SYNE2: variants seen among roughly 807,000 people sequenced by gnomAD.
SYNE2 encodes the protein spectrin repeat containing nuclear envelope protein 2.
In SYNE2, 431 loss-of-function variants were observed where a neutral mutation model predicts 856.3. The observed-to-expected ratio is 0.50, with a 90% CI of 0.47 to 0.55. The LOEUF is 0.55. Ranked by LOEUF, SYNE2 falls within the 20% of genes least tolerant of loss-of-function variation. The pLI, the probability that SYNE2 is intolerant of heterozygous loss-of-function variation, is 0.00. For missense variants in SYNE2, 8,129 were observed against 8,023.2 expected (o/e 1.01, Z -0.50); for synonymous variants, 2,923 against 2,872.3 (o/e 1.02, Z -0.56).
intron 1 of SYNE2, among the ~76,000 whole-genome samples, chr14:63,904,532 T>C (rs2095381847): frequency 6.6e-6 from 1 of 152,218 alleles, no homozygotes; most frequent in African/African-American, 2.4e-5. Context: ...TGAGATGGTG[T>C]ATCTTGGTGG....
chr14:63,826,795 C>G (rs1201908776), intron 1 of SYNE2, among the ~76,000 whole-genome samples: 1 of 151,980 alleles, frequency 6.6e-6, no homozygotes, highest in Non-Finnish European at 1.5e-5. Context: ...TTGTGTTAGG[C>G]AATGATTTCT....
At chr14:64,051,506 T>C in intron 47 of SYNE2, 51 bp from the exon 48 acceptor site, 1 of 1,500,654 alleles carries the variant, frequency 6.7e-7, no homozygotes, top group South Asian at 1.3e-5. Context: ...CACATTTTAA[T>C]GTAGAATAAG....
At chr14:64,074,305 G>A (rs545742548) in intron 53 of SYNE2, among the ~76,000 whole-genome samples, 169 bp downstream of exon 53, 2 of 152,336 alleles carry the variant, frequency 1.3e-5, no homozygotes, top group East Asian at 3.9e-4. Flanking sequence ...AACCAAGGGA[G>A]AAGATCAGTG....
chr14:64,216,926 A>G lies in SYNE2; in HGVS notation c.19542+539A>G, dbSNP rs559294556. Among the ~76,000 whole-genome samples, 3 of 152,190 alleles carry G rather than the reference A, an allele frequency of 2.0e-5. No homozygotes were observed. In the East Asian group the frequency reaches 5.8e-4, roughly 29 times the overall value. On this transcript the variant is annotated intron_variant, in intron 108 of 115. Transcript: ENST00000555002. ...TTTTAGTAGAGATGGGGGTTTCACC[A>G]TGTTGGCCAGGCTGGTCTTGAACTC...
intron 96 of SYNE2, among the ~76,000 whole-genome samples, chr14:64,185,223 C>G (rs550568036): frequency 6.6e-6 from 1 of 152,240 alleles, no homozygotes; most frequent in South Asian, 2.1e-4. Context: ...GATCATGCCA[C>G]TGTAGTCTAG....
intron 1 of SYNE2, among the ~76,000 whole-genome samples, chr14:63,786,951 C>G (rs889748359): frequency 6.6e-6 from 1 of 151,980 alleles, no homozygotes; most frequent in African/African-American, 2.4e-5. Context: ...TTTGTAGAGA[C>G]AGGGTTTCGC....
rs145106572 is a variant in SYNE2, at chr14:64,067,818, A to G, written c.10431+2168A>G. ...TTCAGAATCATCATTTTATGCTTCA[A>G]TGATCATAATGTGCTAGAAGAACGT... On this transcript the variant is annotated intron_variant, in intron 51 of 115. Coordinates refer to ENST00000555002, the MANE Select transcript of SYNE2 (RefSeq NM_182914.3). Among the ~76,000 whole-genome samples, 245 of 152,330 alleles carry G rather than the reference A, an allele frequency of 1.6e-3. 1 individual carries two copies. Among genetic ancestry groups the G allele is most frequent in the African/African-American group, 5.4e-3 (226 of 41,578 alleles).
intron 84 of SYNE2, among the ~76,000 whole-genome samples, chr14:64,150,007 C>CTTTTTTTTTTTTTT (rs755126549): frequency 7.4e-5 from 7 of 94,416 alleles, no homozygotes; most frequent in South Asian, 3.8e-4. Flanking sequence ...TTTTTCTTTT[C>CTTTTTTTTTTTTTT]TTTTTTTTTT....
chr14:64,032,179 C>T (rs1402788894), intron 45 of SYNE2, among the ~76,000 whole-genome samples: 1 of 152,152 alleles, frequency 6.6e-6, no homozygotes, highest in Non-Finnish European at 1.5e-5. Flanking sequence ...AGGAACCAGG[C>T]AGGATTTTCT....
At chr14:63,809,647 A>G (rs577281631) in intron 1 of SYNE2, among the ~76,000 whole-genome samples, 3 of 152,226 alleles carry the variant, frequency 2.0e-5, no homozygotes, top group South Asian at 2.1e-4. Context: ...CTCTAGGCAC[A>G]TGCCACCATG....
Position 64,034,644 on chromosome 14 carries a change from T to C in SYNE2, c.7221+3287T>C, listed in dbSNP as rs1362216380. ...TTGACCTTTTCTTTAATATTGGAAA[T>C]GTTCAGGCAGACCTAGAAACAAAAG... On this transcript the variant is annotated intron_variant, in intron 45 of 115. Transcript: ENST00000555002. The C allele has an allele frequency of 1.2e-4, 54 of 469,120 alleles. No individual in the cohort carries two copies. The East Asian group carries it at 1.7e-3, about 14-fold the overall frequency. The allele number at this position is 469,120 out of a possible 1,614,324, so 29.1% of individuals were successfully genotyped here. A position where few individuals can be genotyped will look rare whatever the true frequency, so the allele number is the denominator to read the frequency against.
rs372269749 is a variant in SYNE2 at position 64,216,360 on chromosome 14, G to A, written c.19515G>A (p.Ala6505=). ...GDRNVPPVPP[A]SSTPYKPPYG... The stretch of plus-strand genomic sequence containing the variant: ...GGAATGTTCCACCTGTTCCCCCTGC[G>A]TCCAGCACCCCTTATAAACCACCCT... Residue 6505 remains alanine, a synonymous_variant, in exon 108 of 116, where the codon GCG becomes GCA. Coordinates refer to ENST00000555002, the MANE Select transcript of SYNE2 (RefSeq NM_182914.3). 4.4e-5 allele frequency: 71 copies of A among 1,614,156 alleles called. No individual in the cohort carries two copies. Among genetic ancestry groups the A allele is most frequent in the Middle Eastern group, 3.3e-4 (2 of 6,062 alleles).
At chr14:63,822,077 G>A (rs1390424151) in intron 1 of SYNE2, among the ~76,000 whole-genome samples, 1 of 152,056 alleles carries the variant, frequency 6.6e-6, no homozygotes, top group Non-Finnish European at 1.5e-5. Context: ...TGTATTCCCA[G>A]CTATTTAGGA....
At chr14:64,075,180 C>A (rs2097448323) in intron 53 of SYNE2, among the ~76,000 whole-genome samples, 2 of 152,176 alleles carry the variant, frequency 1.3e-5, no homozygotes, top group South Asian at 4.2e-4. Flanking sequence ...TGACTCAATC[C>A]ATGAACACAA....
chr14:64,187,499 ATG>A (rs1453260492), intron 97 of SYNE2, among the ~76,000 whole-genome samples: 1 of 152,216 alleles, frequency 6.6e-6, no homozygotes, highest in Non-Finnish European at 1.5e-5. Context: ...CAGAATGACA[ATG>A]TGCAAAATGC....
intron 84 of SYNE2, among the ~76,000 whole-genome samples, chr14:64,151,939 C>T (rs1252540071): frequency 9.2e-5 from 14 of 152,260 alleles, no homozygotes; most frequent in South Asian, 8.3e-4. Flanking sequence ...TTGCTGCTGG[C>T]CTCATTCATC....
intron 1 of SYNE2, among the ~76,000 whole-genome samples, chr14:63,797,408 A>T (rs2139785046): frequency 6.6e-6 from 1 of 152,138 alleles, no homozygotes; most frequent in Non-Finnish European, 1.5e-5. Context: ...TAATAATAAT[A>T]ATTGAGATTT....
At chr14:64,124,216 A>G (rs2153669685) in intron 70 of SYNE2, among the ~76,000 whole-genome samples, 1 of 151,906 alleles carries the variant, frequency 6.6e-6, no homozygotes, top group East Asian at 1.9e-4. Context: ...AAAAAAAGAG[A>G]CGGGTTCTCG....
chr14:64,130,276 C>A (rs1012858825), intron 76 of SYNE2, 28 bp downstream of exon 76: 1 of 1,575,556 alleles, frequency 6.3e-7, no homozygotes, highest in South Asian at 1.1e-5. Flanking sequence ...GTCGGGTGAC[C>A]CCTTCATAGA....
Sources: gnomAD v4.1 joint callset for allele counts (sites outside exome capture counted in the v4.1 genomes callset) on GRCh38, gnomAD v4.1.1 for gene constraint, MANE v1.5 for transcripts, NCBI Gene and HGNC (gene_info 2026-07-23, HGNC 2026-07-21) for gene names.